Variants in UBE2W observed in about 807,000 individuals in gnomAD.
UBE2W encodes the protein ubiquitin conjugating enzyme E2 W, also known as ubiquitin-conjugating enzyme E2 W.
Under a neutral mutation model 27.2 loss-of-function variants are expected in UBE2W, and 18 were observed. The observed-to-expected ratio is 0.66, with a 90% CI of 0.46 to 0.98. The LOEUF (loss-of-function observed/expected upper bound fraction) is 0.98, where lower values mean the gene tolerates loss of function less well. Among genes scored for constraint, UBE2W ranks in the 50% least tolerant of loss-of-function variants. The probability of loss-of-function intolerance (pLI) is 0.00; values close to 1 mark genes in which losing one functional copy is unlikely to be tolerated. For missense variants in UBE2W, 90 were observed against 180.2 expected, an observed-to-expected ratio of 0.50 and a Z score of 2.87; for synonymous variants, 53 against 57.2, an observed-to-expected ratio of 0.93 and a Z score of 0.33.
intron 1 of UBE2W, among the ~76,000 whole-genome samples, chr8:73,870,686 A>C (rs1404872615): frequency 1.3e-5 from 2 of 152,140 alleles, no homozygotes; most frequent in Admixed American, 6.6e-5. Context: ...AAATAAGCTA[A>C]TTAATACATA....
At chr8:73,782,061 C>T (rs894103760), downstream of UBE2W, among the ~76,000 whole-genome samples, 1 of 151,436 alleles carries the variant, frequency 6.6e-6, no homozygotes, top group South Asian at 2.1e-4. Flanking sequence ...CTGCCTCAGC[C>T]TCCTGAGTAG....
At chr8:73,876,834 G>A (rs1021310320) in intron 1 of UBE2W, among the ~76,000 whole-genome samples, 2 of 152,122 alleles carry the variant, frequency 1.3e-5, no homozygotes, top group African/African-American at 4.8e-5. Context: ...GGGCGTGGTG[G>A]TTCATGCCTG....
intron 1 of UBE2W, among the ~76,000 whole-genome samples, chr8:73,841,863 C>A (rs1232383285): frequency 6.6e-6 from 1 of 152,040 alleles, no homozygotes; most frequent in Non-Finnish European, 1.5e-5. Context: ...TAAAGGTGAA[C>A]AAGAAAATGG....
chr8:73,866,909 G>A (rs1393864088), intron 1 of UBE2W, among the ~76,000 whole-genome samples: 3 of 151,658 alleles, frequency 2.0e-5, no homozygotes, highest in Non-Finnish European at 2.9e-5. Context: ...AGAGGCTGAG[G>A]CAGGAGAATC....
Position 73,788,284 on chromosome 8 carries a change from A to G in UBE2W, c.*5818T>C. 2.0e-6 allele frequency: 2 copies of G among 978,916 alleles called. No individual in the cohort carries two copies. The highest frequency in any genetic ancestry group is 1.2e-6 in the Non-Finnish European group (1 of 823,968). The allele number at this position is 978,916 out of a possible 1,614,324, so 60.6% of individuals were successfully genotyped here. A position where few individuals can be genotyped will look rare whatever the true frequency, so the allele number is the denominator to read the frequency against. ...TCTATTTAAAAAGTAGTGACTTTAC[A>G]TATTTTGCAACTTGAGTTTATAAAA... On this transcript the variant is annotated 3_prime_UTR_variant, in exon 6 of 6. Transcript: ENST00000602593.
chr8:73,841,013 A>G (rs994545743), intron 1 of UBE2W, among the ~76,000 whole-genome samples: 3 of 152,212 alleles, frequency 2.0e-5, no homozygotes, highest in Admixed American at 1.3e-4. Context: ...AGAAGAAAAA[A>G]CATTAAAAAA....
rs1807994653 is a variant in UBE2W, at chr8:73,787,275, A to G, written c.*6827T>C. The G allele has an allele frequency of 2.0e-6, 2 of 985,332 alleles. No individual in the cohort carries two copies. Among genetic ancestry groups the G allele is most frequent in the Non-Finnish European group, 1.2e-6 (1 of 829,946 alleles). 61.0% of individuals were successfully genotyped at this position (985,332 alleles called of 1,614,324 possible). A position where few individuals can be genotyped will look rare whatever the true frequency, so the allele number is the denominator to read the frequency against. On this transcript the variant is annotated 3_prime_UTR_variant, in exon 6 of 6. Transcript: ENST00000602593. ...GCTGTCTCACTTGCTTCTTCAATTT[A>G]GCTTATGTTTAATTTTGTTACGTGT...
intron 3 of UBE2W, among the ~76,000 whole-genome samples, chr8:73,820,094 C>A (rs185712572): frequency 6.6e-6 from 1 of 151,992 alleles, no homozygotes; most frequent in Non-Finnish European, 1.5e-5. Flanking sequence ...AGTACCATGC[C>A]CAGCCAGAAA....
intron 5 of UBE2W, among the ~76,000 whole-genome samples, chr8:73,794,649 C>A (rs1808336958): frequency 2.0e-5 from 3 of 151,962 alleles, no homozygotes; most frequent in African/African-American, 7.2e-5. Context: ...CACCTGTAAT[C>A]CCAGCACTTT....
chr8:73,864,062 G>T (rs1811640868), intron 1 of UBE2W, among the ~76,000 whole-genome samples: 1 of 151,864 alleles, frequency 6.6e-6, no homozygotes, highest in Non-Finnish European at 1.5e-5. Context: ...GTTTTAACAG[G>T]ACTTCAATAC....
chr8:73,851,244 AACAGGGTGGTAGC>A (rs1239888587), intron 1 of UBE2W, among the ~76,000 whole-genome samples: 6 of 151,992 alleles, frequency 3.9e-5, no homozygotes, highest in Admixed American at 2.6e-4. Flanking sequence ...GAAAGAAAGC[AACAGGGTGGTAGC>A]AGAACTGAGG....
chr8:73,850,573 C>G (rs1383401850), intron 1 of UBE2W, among the ~76,000 whole-genome samples: 4 of 151,544 alleles, frequency 2.6e-5, no homozygotes, highest in African/African-American at 9.7e-5. Context: ...GAAAGAATTA[C>G]TAACAGTATG....
chr8:73,790,982 T>A lies in UBE2W; in HGVS notation c.*3120A>T, dbSNP rs983037842. On this transcript the variant is annotated 3_prime_UTR_variant, in exon 6 of 6. Coordinates refer to ENST00000602593, the MANE Select transcript of UBE2W (RefSeq NM_018299.6). Reference sequence around the variant, plus strand: ...AGGTAATAAACTATTCTAGTTATTTTATACCAAATATTGATATTCCTAGTC... The same window carrying A: ...AGGTAATAAACTATTCTAGTTATTTAATACCAAATATTGATATTCCTAGTC... The A allele has an allele frequency of 2.0e-6, 2 of 981,590 alleles. No individual in the cohort carries two copies. Among genetic ancestry groups the A allele is most frequent in the African/African-American group, 3.5e-5 (2 of 57,126 alleles). The allele number at this position is 981,590 out of a possible 1,614,324, so 60.8% of individuals were successfully genotyped here. A position where few individuals can be genotyped will look rare whatever the true frequency, so the allele number is the denominator to read the frequency against.
intron 3 of UBE2W, among the ~76,000 whole-genome samples, chr8:73,812,106 T>C (rs575532551): frequency 6.6e-6 from 1 of 151,916 alleles, no homozygotes; most frequent in South Asian, 2.1e-4. Context: ...TTTCCTTGGC[T>C]AAGACTAGAT....
intron 1 of UBE2W, among the ~76,000 whole-genome samples, chr8:73,843,616 C>G (rs1810637919): frequency 6.6e-6 from 1 of 151,910 alleles, no homozygotes; most frequent in Non-Finnish European, 1.5e-5. Context: ...GCCTGAGTGA[C>G]AGAGAGAGAC....
chr8:73,839,435 T>C (rs1810444735), intron 1 of UBE2W, among the ~76,000 whole-genome samples: 1 of 151,714 alleles, frequency 6.6e-6, no homozygotes, highest in African/African-American at 2.4e-5. Context: ...GTGAATCATT[T>C]GAGGTCAGGA....
chr8:73,845,710 T>TA (rs1405396232), intron 1 of UBE2W, among the ~76,000 whole-genome samples: 1 of 148,000 alleles, frequency 6.8e-6, no homozygotes. Flanking sequence ...CAATAAATAC[T>TA]AAAAAAATTT....
chr8:73,791,671 G>A lies in UBE2W; in HGVS notation c.*2431C>T. On this transcript the variant is annotated 3_prime_UTR_variant, in exon 6 of 6. Coordinates refer to ENST00000602593, the MANE Select transcript of UBE2W (RefSeq NM_018299.6). ...ACTAACATATAAATTAAATCTAAGT[G>A]CAAGGAGTTTTCAATGATTCCTAAA... The A allele has an allele frequency of 1.0e-6, 1 of 985,058 alleles. No homozygotes were observed. The highest frequency in any genetic ancestry group is 1.2e-6 in the Non-Finnish European group (1 of 829,654). The allele number at this position is 985,058 out of a possible 1,614,324, so 61.0% of individuals were successfully genotyped here.
At position 73,809,932 on chromosome 8, in the gene UBE2W, A is replaced by T. The variant is rs563893369; in HGVS notation, c.366+542T>A. Among the ~76,000 whole-genome samples, 165 of 151,894 alleles carry T rather than the reference A, an allele frequency of 1.1e-3. 1 individual carries two copies. The highest frequency in any genetic ancestry group is 3.7e-3 in the African/African-American group (153 of 41,414). ...TTTTCTTTTTGTTTTTTTTCCCCCC[A>T]CTTCCATCAGACATAGAATCTGTGG... is the stretch of plus-strand genomic sequence containing the variant. On this transcript the variant is annotated intron_variant, in intron 4 of 5. Transcript: ENST00000602593.
Sources: allele counts gnomAD v4.1 joint callset (sites outside exome capture counted in the v4.1 genomes callset), GRCh38; gene constraint gnomAD v4.1.1; transcripts MANE v1.5; gene names NCBI Gene and HGNC (gene_info 2026-07-23, HGNC 2026-07-21).